Variants in DLGAP2 observed in about 807,000 individuals in gnomAD.
DLGAP2 encodes disks large-associated protein 2.
A neutral mutation model predicts 100.3 loss-of-function variants in DLGAP2; 26 were observed. The observed-to-expected ratio is 0.26, with a 90% CI of 0.19 to 0.36. The LOEUF is 0.36. Among genes scored for constraint, DLGAP2 ranks in the 10% least tolerant of loss-of-function variants. The pLI, the probability that DLGAP2 is intolerant of heterozygous loss-of-function variation, is 1.00. For missense variants in DLGAP2, 1,858 were observed against 1,453.2 expected, an observed-to-expected ratio of 1.28 and a Z score of -4.53; for synonymous variants, 886 against 630.1, an observed-to-expected ratio of 1.41 and a Z score of -6.08.
chr8:1,535,033 C>G (rs1472026657), intron 4 of DLGAP2, among the ~76,000 whole-genome samples: 1 of 152,216 alleles, frequency 6.6e-6, no homozygotes, highest in Non-Finnish European at 1.5e-5. Context: ...TTTCATTAAG[C>G]TCTTTCTGGT....
At chr8:1,202,490 G>A (rs1797900556) in intron 2 of DLGAP2, among the ~76,000 whole-genome samples, 1 of 152,166 alleles carries the variant, frequency 6.6e-6, no homozygotes, top group Non-Finnish European at 1.5e-5. Context: ...TCTGTAGGAA[G>A]AAGGAGATGT....
intron 4 of DLGAP2, among the ~76,000 whole-genome samples, chr8:1,511,671 A>G (rs1800168188): frequency 6.6e-6 from 1 of 151,568 alleles, no homozygotes; most frequent in South Asian, 2.1e-4. Flanking sequence ...AGGGCTGTCT[A>G]GTGTAGGACA....
intron 3 of DLGAP2, among the ~76,000 whole-genome samples, chr8:1,309,722 G>C (rs1382428588): frequency 1.3e-5 from 2 of 152,212 alleles, no homozygotes; most frequent in African/African-American, 2.4e-5. Flanking sequence ...CTCCACCTTT[G>C]TTGCTACAGA....
chr8:858,259 A>G (rs1375346185), intron 1 of DLGAP2, among the ~76,000 whole-genome samples: 2 of 152,370 alleles, frequency 1.3e-5, no homozygotes, highest in South Asian at 4.1e-4. Context: ...AGAAGGAATG[A>G]TCTACCAGGC....
intron 6 of DLGAP2, among the ~76,000 whole-genome samples, chr8:1,580,704 G>C (rs552939604): frequency 6.6e-6 from 1 of 152,026 alleles, no homozygotes; most frequent in Non-Finnish European, 1.5e-5. Flanking sequence ...CGAACTACCA[G>C]AAGTGAAGGA....
At chr8:834,333 T>C (rs1453423516) in intron 1 of DLGAP2, among the ~76,000 whole-genome samples, 1 of 152,096 alleles carries the variant, frequency 6.6e-6, no homozygotes, top group East Asian at 1.9e-4. Context: ...CATGGCAAAA[T>C]ATGAGCCAGA....
Position 1,188,226 on chromosome 8 carries a change from G to A in DLGAP2, c.74-70625G>A, listed in dbSNP as rs572658871. On this transcript the variant is annotated intron_variant, in intron 2 of 14. Transcript: ENST00000637795. ...TTCCCTCACGGAATCTCACACGCCC[G>A]GGACTTCCGTGACGTTTCCCTCACG... Among the ~76,000 whole-genome samples the A allele has an allele frequency of 2.2e-5, 3 of 135,144 alleles. No individual in the cohort carries two copies. In the East Asian group the frequency reaches 6.9e-4, roughly 31 times the overall value. The allele number at this position is 135,144 out of a possible 152,430, so 88.7% of individuals were successfully genotyped here. A position where few individuals can be genotyped will look rare whatever the true frequency, so the allele number is the denominator to read the frequency against.
intron 2 of DLGAP2, among the ~76,000 whole-genome samples, chr8:1,033,609 A>C (rs1678434406): frequency 1.3e-5 from 2 of 152,190 alleles, no homozygotes; most frequent in Admixed American, 6.5e-5. Context: ...CGGAGGTTGC[A>C]GTGAGCTGAG....
intron 3 of DLGAP2, among the ~76,000 whole-genome samples, chr8:1,493,750 G>A (rs771508252): frequency 3.2e-4 from 48 of 152,230 alleles, no homozygotes; most frequent in Admixed American, 5.9e-4. Flanking sequence ...CCTGGGCAGC[G>A]GCTGGCTCCT....
intron 8 of DLGAP2, among the ~76,000 whole-genome samples, chr8:1,661,989 A>G (rs1798419219): frequency 6.6e-6 from 1 of 152,166 alleles, no homozygotes; most frequent in African/African-American, 2.4e-5. Flanking sequence ...CGCTCCTTAC[A>G]GTATGGTGAG....
At chr8:921,930 G>A (rs1219975352) in intron 2 of DLGAP2, among the ~76,000 whole-genome samples, 1 of 152,220 alleles carries the variant, frequency 6.6e-6, no homozygotes, top group Non-Finnish European at 1.5e-5. Context: ...GCTGCTTCTG[G>A]GGTGATGTCA....
chr8:1,265,745 C>G (rs1799437524), intron 3 of DLGAP2, among the ~76,000 whole-genome samples: 1 of 152,080 alleles, frequency 6.6e-6, no homozygotes, highest in African/African-American at 2.4e-5. Flanking sequence ...TTTTCGTAGT[C>G]AATACTGATG....
chr8:1,429,684 G>A (rs1056515391), intron 3 of DLGAP2, among the ~76,000 whole-genome samples: 3 of 151,774 alleles, frequency 2.0e-5, no homozygotes, highest in Non-Finnish European at 2.9e-5. Flanking sequence ...GCAGGGATGA[G>A]CCTGCAGCAG....
chr8:1,594,103 G>C (rs1459936194), intron 6 of DLGAP2, among the ~76,000 whole-genome samples: 1 of 152,202 alleles, frequency 6.6e-6, no homozygotes, highest in Non-Finnish European at 1.5e-5. Context: ...GGAAGGGAAA[G>C]AATTGGCTGA....
chr8:1,435,097 C>T (rs1797577552), intron 3 of DLGAP2, among the ~76,000 whole-genome samples: 1 of 152,224 alleles, frequency 6.6e-6, no homozygotes, highest in Non-Finnish European at 1.5e-5. Flanking sequence ...GGACCCAGGG[C>T]CCTTCCAACC....
chr8:1,001,593 T>G (rs578014462), intron 2 of DLGAP2, among the ~76,000 whole-genome samples: 1 of 152,334 alleles, frequency 6.6e-6, no homozygotes, highest in African/African-American at 2.4e-5. Flanking sequence ...AAAACCGAAT[T>G]GCTCTTAAGT....
At chr8:1,121,560 T>C (rs1585080135) in intron 2 of DLGAP2, among the ~76,000 whole-genome samples, 1 of 139,636 alleles carries the variant, frequency 7.2e-6, no homozygotes, top group South Asian at 2.3e-4. Flanking sequence ...ACCACCCATC[T>C]TCTTCCCATT....
chr8:1,227,195 T>C lies in DLGAP2; in HGVS notation c.74-31656T>C, dbSNP rs114550582. Among the ~76,000 whole-genome samples the C allele has an allele frequency of 1.7e-3, 160 of 95,822 alleles. 1 individual carries two copies. The highest frequency in any genetic ancestry group is 9.9e-3 in the African/African-American group (153 of 15,432). 62.9% of individuals were successfully genotyped at this position (95,822 alleles called of 152,430 possible). ...ATATAGTATAGATATATATTATCCATTCATTTTTAAGAGTGTTATATATAT... is the reference window on the plus strand; with the variant it reads ...ATATAGTATAGATATATATTATCCACTCATTTTTAAGAGTGTTATATATAT... On this transcript the variant is annotated intron_variant, in intron 2 of 14. Transcript: ENST00000637795.
intron 2 of DLGAP2, among the ~76,000 whole-genome samples, chr8:1,224,482 A>G (rs1489252694): frequency 6.6e-6 from 1 of 152,216 alleles, no homozygotes; most frequent in Non-Finnish European, 1.5e-5. Context: ...ATTTCATCTC[A>G]AAACTATTGT....
Sources: gnomAD v4.1 joint callset for allele counts (sites outside exome capture counted in the v4.1 genomes callset) on GRCh38, gnomAD v4.1.1 for gene constraint, MANE v1.5 for transcripts, NCBI Gene and HGNC (gene_info 2026-07-23, HGNC 2026-07-21) for gene names.